The following UNC5C variants were observed in gnomAD, a reference collection of about 807,000 sequenced individuals.
UNC5C encodes netrin receptor UNC5C.
UNC5C carries 47 observed loss-of-function variants against 99.8 expected under a neutral mutation model. That is an observed-to-expected ratio of 0.47 (90% confidence interval 0.37 to 0.60). The LOEUF is 0.60. UNC5C is among the 20% of genes least tolerant of loss of function. The pLI is 0.00. For missense variants in UNC5C, 1,062 were observed against 1,165.9 expected (o/e 0.91, Z 1.30); for synonymous variants, 487 against 452.2 (o/e 1.08, Z -0.98).
At chr4:95,219,369 A>G (rs1175479137) in intron 8 of UNC5C, 56 bp from the exon 9 acceptor site, 2 of 1,534,886 alleles carry the variant, frequency 1.3e-6, no homozygotes, top group East Asian at 2.3e-5. Context: ...GCCAACCTAC[A>G]TTAGTCAGAC....
At chr4:95,465,379 A>G (rs1429594209) in intron 1 of UNC5C, among the ~76,000 whole-genome samples, 1 of 152,166 alleles carries the variant, frequency 6.6e-6, no homozygotes. Flanking sequence ...AAATTATCCA[A>G]ATTATCTAAT....
chr4:95,246,432 G>A (rs1411108426), intron 5 of UNC5C, among the ~76,000 whole-genome samples: 1 of 151,914 alleles, frequency 6.6e-6, no homozygotes, highest in African/African-American at 2.4e-5. Context: ...ATGTCAGCAT[G>A]TGTATATAGA....
At chr4:95,267,756 C>T (rs1364586504) in intron 4 of UNC5C, among the ~76,000 whole-genome samples, 1 of 151,844 alleles carries the variant, frequency 6.6e-6, no homozygotes, top group Non-Finnish European at 1.5e-5. Flanking sequence ...TTTCTAAAGC[C>T]TTGCCAAGTA....
chr4:95,513,870 C>T (rs550661701), intron 1 of UNC5C, among the ~76,000 whole-genome samples: 28 of 152,082 alleles, frequency 1.8e-4, no homozygotes, highest in African/African-American at 5.1e-4. Flanking sequence ...ATTTGTTTTG[C>T]GAATACATAG....
At chr4:95,259,883 A>G (rs4254782) in intron 4 of UNC5C, among the ~76,000 whole-genome samples, 76,979 of 151,934 alleles carry the variant, frequency 0.51, 20,056 homozygotes, top group African/African-American at 0.6. Flanking sequence ...ATTTACTTTT[A>G]TGGGTTTTCC....
At position 95,507,536 on chromosome 4, in the gene UNC5C, C is replaced by A. The variant is rs1008046133; in HGVS notation, c.124+41198G>T. Reference sequence around the variant, plus strand: ...AATATTAGTTTCCTCTCTGATTTTTCTTCCTCTACACACTTGTAGCACTTA... The same window carrying A: ...AATATTAGTTTCCTCTCTGATTTTTATTCCTCTACACACTTGTAGCACTTA... On this transcript the variant is annotated intron_variant, in intron 1 of 15. Coordinates refer to ENST00000453304, the MANE Select transcript of UNC5C (RefSeq NM_003728.4). Among the ~76,000 whole-genome samples, 3 of 151,946 alleles carry A rather than the reference C, an allele frequency of 2.0e-5. No individual in the cohort carries two copies. The South Asian group carries it at 6.2e-4, about 31-fold the overall frequency.
At chr4:95,400,845 G>T (rs1745672528) in intron 1 of UNC5C, among the ~76,000 whole-genome samples, 1 of 152,128 alleles carries the variant, frequency 6.6e-6, no homozygotes, top group South Asian at 2.1e-4. Context: ...GCCCTGCCTG[G>T]TCACGTAATT....
intron 1 of UNC5C, among the ~76,000 whole-genome samples, chr4:95,424,510 TTTCTTTTC>T (rs1746408672): frequency 7.4e-6 from 1 of 135,280 alleles, no homozygotes; most frequent in Non-Finnish European, 1.6e-5. Flanking sequence ...GAATTTTTTT[TTTCTTTTC>T]TTTTTTTTTT....
chr4:95,237,821 A>T (rs1046164790), intron 7 of UNC5C, among the ~76,000 whole-genome samples: 1 of 152,130 alleles, frequency 6.6e-6, no homozygotes, highest in East Asian at 1.9e-4. Flanking sequence ...GACGCGGCAG[A>T]TGACGAGATC....
intron 12 of UNC5C, among the ~76,000 whole-genome samples, chr4:95,192,920 G>A (rs1737213362): frequency 6.6e-6 from 1 of 152,096 alleles, no homozygotes. Context: ...CCTCTCTCTT[G>A]TTCTCTCTCC....
chr4:95,292,460 A>T (rs1314707640), intron 3 of UNC5C, among the ~76,000 whole-genome samples: 1 of 151,914 alleles, frequency 6.6e-6, no homozygotes, highest in Non-Finnish European at 1.5e-5. Flanking sequence ...TCATTCCTTT[A>T]TGATATTTCT....
intron 1 of UNC5C, among the ~76,000 whole-genome samples, chr4:95,480,638 C>T (rs953395136): frequency 2.0e-5 from 3 of 151,996 alleles, no homozygotes; most frequent in African/African-American, 4.8e-5. Flanking sequence ...AATCCAGCAG[C>T]ACATCAAAAA....
chr4:95,258,809 C>T (rs928467994), intron 4 of UNC5C, among the ~76,000 whole-genome samples: 1 of 126,954 alleles, frequency 7.9e-6, no homozygotes, highest in Non-Finnish European at 1.6e-5. Context: ...GGCCGGACTG[C>T]GGACTGCAGT....
rs143580431 is a variant in UNC5C at position 95,428,383 on chromosome 4, C to T, written c.125-92752G>A. Among the ~76,000 whole-genome samples the T allele has an allele frequency of 8.5e-5, 13 of 152,260 alleles. No homozygotes were observed. In the East Asian group the frequency reaches 2.5e-3, roughly 29 times the overall value. On this transcript the variant is annotated intron_variant, in intron 1 of 15. Coordinates refer to ENST00000453304, the MANE Select transcript of UNC5C (RefSeq NM_003728.4). ...AAAATGCTGCCAATTAATCTGCAAG[C>T]CTTTCATCTACATAGCAGTATATAT...
chr4:95,419,183 G>A (rs1746251772), intron 1 of UNC5C, among the ~76,000 whole-genome samples: 1 of 152,150 alleles, frequency 6.6e-6, no homozygotes. Context: ...TTATCCCCAG[G>A]TGGTTCTTTT....
chr4:95,482,023 C>T (rs1187666157), intron 1 of UNC5C, among the ~76,000 whole-genome samples: 1 of 152,192 alleles, frequency 6.6e-6, no homozygotes, highest in South Asian at 2.1e-4. Flanking sequence ...TCTAATTAAA[C>T]TAAAGAGCTT....
Position 95,202,006 on chromosome 4 carries a change from C to T in UNC5C, c.2136+725G>A, listed in dbSNP as rs188737257. The stretch of plus-strand genomic sequence containing the variant: ...TACTATTGCTGGTCAAAACCCAATC[C>T]TCCATTAGGGCCAATCATCAAATAT... On this transcript the variant is annotated intron_variant, in intron 12 of 15. Transcript: ENST00000453304. Among the ~76,000 whole-genome samples the T allele has an allele frequency of 1.0e-3, 158 of 152,248 alleles. 1 individual carries two copies. Among genetic ancestry groups the T allele is most frequent in the Middle Eastern group, 3.4e-3 (1 of 294 alleles).
chr4:95,446,003 G>T (rs1321102484), intron 1 of UNC5C, among the ~76,000 whole-genome samples: 2 of 151,844 alleles, frequency 1.3e-5, no homozygotes, highest in African/African-American at 4.8e-5. Flanking sequence ...AAAAAACAAC[G>T]TGGGGGGGTG....
chr4:95,472,605 C>T (rs1273508624), intron 1 of UNC5C, among the ~76,000 whole-genome samples: 4 of 152,050 alleles, frequency 2.6e-5, no homozygotes, highest in Admixed American at 2.6e-4. Context: ...GAAGCCTGTT[C>T]CCTGTGCTGA....
Sources: allele counts gnomAD v4.1 joint callset (sites outside exome capture counted in the v4.1 genomes callset), GRCh38; gene constraint gnomAD v4.1.1; transcripts MANE v1.5; gene names NCBI Gene and HGNC (gene_info 2026-07-23, HGNC 2026-07-21).